The following SLC17A9 variants were observed in gnomAD, a reference collection of about 807,000 sequenced individuals.
SLC17A9 encodes solute carrier family 17 member 9.
In SLC17A9, 49 loss-of-function variants were observed where a neutral mutation model predicts 55.0. The observed-to-expected ratio is 0.89, with a 90% confidence interval of 0.71 to 1.13. SLC17A9 has a LOEUF of 1.13. Among genes scored for constraint, SLC17A9 ranks in the 50% most tolerant of loss-of-function variants. The pLI, the probability that SLC17A9 is intolerant of heterozygous loss-of-function variation, is 0.00. For missense variants in SLC17A9, 526 were observed against 569.3 expected (o/e 0.92, Z 0.77); for synonymous variants, 256 against 247.4 (o/e 1.03, Z -0.32).
chr20:62,960,421 A>C, intron 3 of SLC17A9, 83 bp from the exon 4 acceptor site: 2 of 1,320,898 alleles, frequency 1.5e-6, no homozygotes, highest in Admixed American at 4.0e-5. Context: ...CGTCCTCTGG[A>C]ATCACAGCCC....
At position 62,964,318 on chromosome 20, in the gene SLC17A9, G is replaced by A; in HGVS notation, c.910+3G>A. Reference sequence around the variant, plus strand: ...CTCTGATCATCTCATCAATCAGGGTGAGCCCCAGGGAGGGGACCGGGGCTG... The same window carrying A: ...CTCTGATCATCTCATCAATCAGGGTAAGCCCCAGGGAGGGGACCGGGGCTG... On this transcript the variant is annotated splice_donor_region_variant and intron_variant, in intron 8 of 12. Transcript: ENST00000370351. The A allele has an allele frequency of 1.2e-6, 2 of 1,614,120 alleles. No homozygotes were observed.
intron 1 of SLC17A9, chr20:62,953,331 C>T (rs2277770): frequency 0.2 from 306,171 of 1,521,592 alleles, 31,886 homozygotes; most frequent in East Asian, 0.32. Flanking sequence ...CCTGCCACCA[C>T]GTGCCAGCTG....
intron 1 of SLC17A9, among the ~76,000 whole-genome samples, chr20:62,956,466 A>G (rs896584344): frequency 4.6e-5 from 7 of 152,158 alleles, no homozygotes; most frequent in African/African-American, 7.2e-5. Flanking sequence ...TGAGGGGAAC[A>G]AGCAGGGCCC....
At chr20:62,963,514 CG>C in intron 6 of SLC17A9, 69 bp from the exon 7 acceptor site, 1 of 1,530,840 alleles carries the variant, frequency 6.5e-7, no homozygotes, top group Non-Finnish European at 8.9e-7. Flanking sequence ...GGACGCCTCT[CG>C]GGGTGGGTCC....
chr20:62,963,216 C>G, intron 5 of SLC17A9, 57 bp from the exon 6 acceptor site: 1 of 1,566,242 alleles, frequency 6.4e-7, no homozygotes, highest in Non-Finnish European at 8.7e-7. Context: ...AATCCTTTGG[C>G]AACGGGTGGC....
At position 62,958,814 on chromosome 20, in the gene SLC17A9, G is replaced by A. The variant is rs1202101345; in HGVS notation, c.397+1234G>A. 6.6e-6 allele frequency among the ~76,000 whole-genome samples: 1 copy of A among 152,248 alleles called. No individual in the cohort carries two copies. Among genetic ancestry groups the A allele is most frequent in the Non-Finnish European group, 1.5e-5 (1 of 68,044 alleles). The stretch of plus-strand genomic sequence containing the variant: ...ACTGTCTCCATAACAGAGGAAGGGG[G>A]TCTGCCCAGGAGAGAGGCCACTCTC... On this transcript the variant is annotated intron_variant, in intron 3 of 12. Transcript: ENST00000370351. This position sits in a 1 kb window ranked among gnomAD's most constrained non-coding sequence, Gnocchi z 4.1.
At chr20:62,956,737 C>T (rs1246928716) in intron 1 of SLC17A9, 28 bp from the exon 2 acceptor site, 5 of 1,599,970 alleles carry the variant, frequency 3.1e-6, no homozygotes, top group Non-Finnish European at 3.4e-6. Flanking sequence ...GGGGCCTCCC[C>T]AGGGCCTGAC....
chr20:62,960,177 T>G (rs1379261237), intron 3 of SLC17A9, among the ~76,000 whole-genome samples: 13 of 152,220 alleles, frequency 8.5e-5, no homozygotes, highest in Non-Finnish European at 1.5e-5. Context: ...GTGTGTGTGT[T>G]GGTGCGAGGA....
intron 10 of SLC17A9, 62 bp downstream of exon 10, chr20:62,965,787 A>T: frequency 1.4e-6 from 2 of 1,471,640 alleles, no homozygotes; most frequent in Non-Finnish European, 9.5e-7. Flanking sequence ...AGGCCCGCAC[A>T]TGTGAAGAGG....
rs570848200 is a variant in SLC17A9, at chr20:62,966,565, G to A, written c.1102G>A (p.Ala368Thr). 1.9e-5 allele frequency: 30 copies of A among 1,608,490 alleles called. No homozygotes were observed. Among genetic ancestry groups the A allele is most frequent in the South Asian group, 7.7e-5 (7 of 90,692 alleles). The change falls in exon 11 of 13, where the codon GCC (alanine) becomes ACC (threonine). Residue 368 changes from alanine (A) to threonine (T), a missense_variant. By Grantham distance (58) the Ala-to-Thr change is moderately conservative. Coordinates refer to ENST00000370351, the MANE Select transcript of SLC17A9 (RefSeq NM_022082.4). ...VNIQDLAPSC[A>T]GFLFGVANTA... ...CATCCAGGACTTGGCCCCGTCCTGC[G>A]CCGGCTTTCTGTTTGGTGAGGACCT...
intron 3 of SLC17A9, among the ~76,000 whole-genome samples, chr20:62,960,055 T>C (rs982195938): frequency 6.6e-6 from 1 of 152,268 alleles, no homozygotes; most frequent in Admixed American, 6.5e-5. Flanking sequence ...GCGGCAGGTG[T>C]CTGTGCACGC....
intron 4 of SLC17A9, 55 bp downstream of exon 4, chr20:62,960,658 C>T: frequency 6.5e-7 from 1 of 1,528,454 alleles, no homozygotes; most frequent in African/African-American, 1.4e-5. Flanking sequence ...AGCCCCTTGC[C>T]GAGTGGCCCC....
intron 8 of SLC17A9, among the ~76,000 whole-genome samples, chr20:62,964,581 GT>G: frequency 6.6e-6 from 1 of 152,294 alleles, no homozygotes; most frequent in Middle Eastern, 3.4e-3. Flanking sequence ...GGGGTCAGAG[GT>G]TACAAGCATC....
chr20:62,957,182 C>A (rs1413723430), intron 2 of SLC17A9: 2 of 984,560 alleles, frequency 2.0e-6, no homozygotes, highest in Non-Finnish European at 2.4e-6. Context: ...GGCAGAAGAC[C>A]CCCCCAGAGG....
Position 62,962,867 on chromosome 20 carries a change from C to T in SLC17A9, c.628+113C>T, listed in dbSNP as rs1354482628. On this transcript the variant is annotated intron_variant, in intron 5 of 12. Coordinates refer to ENST00000370351, the MANE Select transcript of SLC17A9 (RefSeq NM_022082.4). This position sits in a 1 kb window ranked among gnomAD's most constrained non-coding sequence, Gnocchi z 5.5. Reference sequence around the variant, plus strand: ...AGGAGCCCGGAGACGATGGCTTTGACCTCCCAAAGAATCCGCCAGTGAGGA... The same window carrying T: ...AGGAGCCCGGAGACGATGGCTTTGATCTCCCAAAGAATCCGCCAGTGAGGA... 1.4e-6 allele frequency: 2 copies of T among 1,461,160 alleles called. No individual in the cohort carries two copies. The highest frequency in any genetic ancestry group is 2.8e-5 in the African/African-American group (2 of 70,824). The allele number at this position is 1,461,160 out of a possible 1,614,324, so 90.5% of individuals were successfully genotyped here. A position where few individuals can be genotyped will look rare whatever the true frequency, so the allele number is the denominator to read the frequency against.
chr20:62,956,221 A>G (rs1211146829), intron 1 of SLC17A9, among the ~76,000 whole-genome samples: 2 of 152,172 alleles, frequency 1.3e-5, no homozygotes, highest in African/African-American at 2.4e-5. Flanking sequence ...TCCCGTGGGA[A>G]GCGTCTAGGC....
At chr20:62,966,680 C>G (rs116780417) in intron 11 of SLC17A9, 23 bp from the exon 12 acceptor site, 3 of 1,613,898 alleles carry the variant, frequency 1.9e-6, no homozygotes, top group African/African-American at 2.7e-5. Context: ...TCCATATTCT[C>G]TCTCGCTCTG....
chr20:62,960,445 T>C (rs763357814), intron 3 of SLC17A9, 59 bp from the exon 4 acceptor site: 81 of 1,511,330 alleles, frequency 5.4e-5, no homozygotes, highest in Non-Finnish European at 7.0e-5. Flanking sequence ...CCTGAGCAGA[T>C]AGGCCGGGAG....
In SLC17A9 at chr20:62,967,350, G is replaced by A. The variant is rs2065649855; in HGVS notation, c.1161G>A (p.Val387=). 2 of 1,614,090 alleles carry A rather than the reference G, an allele frequency of 1.2e-6. No homozygotes were observed. Among genetic ancestry groups the A allele is most frequent in the Non-Finnish European group, 1.7e-6 (2 of 1,179,980 alleles). Residue 387 remains valine, a synonymous_variant, in exon 13 of 13, where the codon GTG becomes GTA. Transcript: ENST00000370351. ...TCTCTTGGGCAGGTGTCGTGGGTGT[G>A]TGTCTAGGCGGCTACTTGATGGAGA... ...TAGALAGVVG[V]CLGGYLMETT... is the part of the protein sequence containing the mutation.
Sources: gnomAD v4.1 joint callset for allele counts (sites outside exome capture counted in the v4.1 genomes callset) on GRCh38, gnomAD v4.1.1 for gene constraint, Gnocchi (gnomAD v3.1) non-coding constraint, MANE v1.5 for transcripts, NCBI Gene and HGNC (gene_info 2026-07-23, HGNC 2026-07-21) for gene names.